TPCN2: variants seen among roughly 807,000 people sequenced by gnomAD.
TPCN2 encodes two pore segment channel 2.
A neutral mutation model predicts 111.4 loss-of-function variants in TPCN2; 92 were observed. The ratio of observed to expected loss-of-function variants is 0.83; its 90% CI spans 0.70 to 0.98. The LOEUF (loss-of-function observed/expected upper bound fraction) is 0.98. TPCN2 is among the 50% of genes least tolerant of loss of function. TPCN2 has a pLI of 0.00. For synonymous variants in TPCN2, 405 were observed against 414.5 expected (o/e 0.98, Z 0.28); for missense variants, 995 against 980.1 (o/e 1.02, Z -0.20).
intron 8 of TPCN2, 97 bp from the exon 9 acceptor site, chr11:69,070,333 C>A: frequency 1.0e-6 from 1 of 988,576 alleles, no homozygotes; most frequent in Non-Finnish European, 1.6e-6. Flanking sequence ...GCAATGGAGA[C>A]CTCCTTTCTA....
At chr11:69,083,910 G>C in intron 18 of TPCN2, 35 bp from the exon 19 acceptor site, 2 of 1,604,672 alleles carry the variant, frequency 1.2e-6, no homozygotes, top group East Asian at 2.2e-5. Context: ...GTGGGGCCAG[G>C]AGGAGTAAGG....
rs367835949 is a variant in TPCN2 at position 69,078,641 on chromosome 11, G to A, written c.1350+40G>A. 52 of 1,613,374 alleles carry A rather than the reference G, an allele frequency of 3.2e-5. No individual in the cohort carries two copies. In the East Asian group the frequency reaches 7.4e-4, roughly 23 times the overall value. ...GCCCCAGAGCTGGCACGGAAGTGCC[G>A]GTTCCCGCCCACCTTGCAGGGGAGC... On this transcript the variant is annotated intron_variant, in intron 14 of 24. Transcript: ENST00000294309.
rs759275586 is a variant in TPCN2, at chr11:69,081,406, G to A, written c.1596G>A (p.Pro532=). 3 of 1,552,330 alleles carry A rather than the reference G, an allele frequency of 1.9e-6. No homozygotes were observed. The highest frequency in any genetic ancestry group is 1.9e-5 in the Admixed American group (1 of 52,364). ...VYRLPHPGWR[P]EMVGLLSLWD... The stretch of plus-strand genomic sequence containing the variant: ...CTCCCGTGTCTCTCCCCAGGAGGCC[G>A]GAGATGGTGGGCCTGCTGTCGCTGT... Residue 532 remains proline (P), a synonymous_variant, in exon 18 of 25, where the codon CCG becomes CCA. Coordinates refer to ENST00000294309, the MANE Select transcript of TPCN2 (RefSeq NM_139075.4).
intron 13 of TPCN2, among the ~76,000 whole-genome samples, chr11:69,074,683 A>G (rs1855678769): frequency 6.6e-6 from 1 of 152,184 alleles, no homozygotes; most frequent in African/African-American, 2.4e-5. Flanking sequence ...ATTATCTATT[A>G]TGTCTAAATT....
At chr11:69,057,504 G>C in intron 4 of TPCN2, 74 bp from the exon 5 acceptor site, 2 of 1,399,248 alleles carry the variant, frequency 1.4e-6, no homozygotes, top group Non-Finnish European at 1.0e-6. Flanking sequence ...TCCCTGCGCT[G>C]CGCACCGTCA....
chr11:69,066,007 A>G (rs996805161), intron 7 of TPCN2, among the ~76,000 whole-genome samples: 5 of 151,964 alleles, frequency 3.3e-5, no homozygotes, highest in African/African-American at 1.2e-4. Flanking sequence ...GCTGGGAGGT[A>G]CACAGTGTGG....
At position 69,073,083 on chromosome 11, in the gene TPCN2, T is replaced by C. The variant is rs1164871489; in HGVS notation, c.1230+82T>C. The C allele has an allele frequency of 1.1e-4, 113 of 1,020,882 alleles. 1 individual carries two copies. In the East Asian group the frequency reaches 2.6e-3, roughly 24 times the overall value. The allele number at this position is 1,020,882 out of a possible 1,614,324, so 63.2% of individuals were successfully genotyped here. On this transcript the variant is annotated intron_variant, in intron 13 of 24. Transcript: ENST00000294309. ...CCCTTGATCACCTGGGGAACTCTTC[T>C]AATGATCAGTGCTGGGATTCACCTG...
In TPCN2 at chr11:69,048,953, G is replaced by A. The variant is rs148015335; in HGVS notation, c.-45G>A. On this transcript the variant is annotated 5_prime_UTR_variant, in exon 1 of 25. Coordinates refer to ENST00000294309, the MANE Select transcript of TPCN2 (RefSeq NM_139075.4). ...CTGCGCAGTGAAGCTGGGCGCCTTC[G>A]GGGCTTGAGCTTCTGAGGGTCGGGT... 8.4e-7 allele frequency: 1 copy of A among 1,197,402 alleles called. No homozygotes were observed. Among genetic ancestry groups the A allele is most frequent in the Non-Finnish European group, 1.0e-6 (1 of 953,514 alleles). The allele number at this position is 1,197,402 out of a possible 1,614,324, so 74.2% of individuals were successfully genotyped here. A position where few individuals can be genotyped will look rare whatever the true frequency, so the allele number is the denominator to read the frequency against.
intron 1 of TPCN2, among the ~76,000 whole-genome samples, chr11:69,053,832 G>A (rs1854619211): frequency 6.6e-6 from 1 of 152,232 alleles, no homozygotes. Context: ...GGCCTGGCCT[G>A]TGCATTTGAT....
chr11:69,065,108 CTGTA>C lies in TPCN2; in HGVS notation c.726+1144_726+1147del, dbSNP rs562076697. 1.5e-4 allele frequency among the ~76,000 whole-genome samples: 23 copies of C among 151,372 alleles called. No individual in the cohort carries two copies. The South Asian group carries it at 4.8e-3, about 32-fold the overall frequency. On this transcript the variant is annotated intron_variant, in intron 7 of 24. Coordinates refer to ENST00000294309, the MANE Select transcript of TPCN2 (RefSeq NM_139075.4). ...CTGTATGTCTCTGCGTGCGTGGTGT[CTGTA>C]TGGCTGTGTGCGTGTGCATGTGTGT...
At position 69,048,953 on chromosome 11, in the gene TPCN2, G is replaced by T; in HGVS notation, c.-45G>T. On this transcript the variant is annotated 5_prime_UTR_variant, in exon 1 of 25. Transcript: ENST00000294309. ...CTGCGCAGTGAAGCTGGGCGCCTTC[G>T]GGGCTTGAGCTTCTGAGGGTCGGGT... 2 of 1,197,402 alleles carry T rather than the reference G, an allele frequency of 1.7e-6. No individual in the cohort carries two copies. The highest frequency in any genetic ancestry group is 2.1e-6 in the Non-Finnish European group (2 of 953,514). The allele number at this position is 1,197,402 out of a possible 1,614,324, so 74.2% of individuals were successfully genotyped here. A position where few individuals can be genotyped will look rare whatever the true frequency, so the allele number is the denominator to read the frequency against.
chr11:69,079,175 C>A, intron 16 of TPCN2, 155 bp downstream of exon 16: 1 of 994,440 alleles, frequency 1.0e-6, no homozygotes, highest in Non-Finnish European at 1.4e-6. Context: ...TCCCTGCTGG[C>A]CGAGTTGCTC....
intron 13 of TPCN2, among the ~76,000 whole-genome samples, chr11:69,078,112 G>A (rs1216618461): frequency 6.6e-6 from 1 of 151,632 alleles, no homozygotes; most frequent in Non-Finnish European, 1.5e-5. Flanking sequence ...TCTGTGCTGA[G>A]TTTCTGTAGC....
intron 9 of TPCN2, among the ~76,000 whole-genome samples, chr11:69,070,721 A>C (rs1332697082): frequency 7.2e-6 from 1 of 138,942 alleles, no homozygotes; most frequent in African/African-American, 2.7e-5. Context: ...TCTCCCGCCA[A>C]CAGGTTCACC....
chr11:69,080,139 A>T (rs930600002), intron 17 of TPCN2, among the ~76,000 whole-genome samples: 1 of 152,152 alleles, frequency 6.6e-6, no homozygotes, highest in South Asian at 2.1e-4. Context: ...CCCCTTGGAG[A>T]TGCCCTCCCG....
At position 69,072,656 on chromosome 11, in the gene TPCN2, A is replaced by G. The variant is rs763379577; in HGVS notation, c.1091A>G (p.Gln364Arg). The G allele has an allele frequency of 1.9e-6, 3 of 1,613,826 alleles. No homozygotes were observed. The South Asian group carries it at 3.3e-5, about 18-fold the overall frequency. ...GGGGTGAAGCCCCAGAACTTGCTGC[A>G]GGTGCTTCAGAAGGTCCAGCTGGAC... is the stretch of plus-strand genomic sequence containing the variant. ...AVGVKPQNLL[Q>R]VLQKVQLDSS... is the part of the protein sequence containing the mutation. Residue 364 changes from glutamine to arginine, a missense_variant, in exon 12 of 25, where the codon CAG becomes CGG. Gln to Arg is a conservative substitution (Grantham distance 43). Coordinates refer to ENST00000294309, the MANE Select transcript of TPCN2 (RefSeq NM_139075.4).
chr11:69,058,589 C>T (rs560268719), intron 5 of TPCN2, among the ~76,000 whole-genome samples: 3 of 152,342 alleles, frequency 2.0e-5, no homozygotes, highest in South Asian at 2.1e-4. Context: ...CTCCTGTCCC[C>T]GCCTGCCCCA....
Position 69,074,234 on chromosome 11 carries a change from C to G in TPCN2, c.1230+1233C>G, listed in dbSNP as rs1855657201. Among the ~76,000 whole-genome samples, 2 of 152,238 alleles carry G rather than the reference C, an allele frequency of 1.3e-5. 1 individual carries two copies. The highest frequency in any genetic ancestry group is 4.1e-4 in the South Asian group (2 of 4,836). On this transcript the variant is annotated intron_variant, in intron 13 of 24. Transcript: ENST00000294309. ...CAGACCTCTGTAGTCAGGCCCTGCC[C>G]CAGCCTGAGCTTGAGTGCCACGCAC...
At chr11:69,073,391 C>G (rs1051684217) in intron 13 of TPCN2, among the ~76,000 whole-genome samples, 1 of 152,238 alleles carries the variant, frequency 6.6e-6, no homozygotes, top group Non-Finnish European at 1.5e-5. Context: ...CGACTAAGCT[C>G]TGTGTCCAGA....
Sources: gnomAD v4.1 joint callset for allele counts (sites outside exome capture counted in the v4.1 genomes callset) on GRCh38, gnomAD v4.1.1 for gene constraint, MANE v1.5 for transcripts, NCBI Gene and HGNC (gene_info 2026-07-23, HGNC 2026-07-21) for gene names.